Variants in AGO2 observed in about 807,000 individuals in gnomAD.
AGO2 encodes argonaute RISC catalytic component 2.
In AGO2, 5 loss-of-function variants were observed where a neutral mutation model predicts 102.3. That is an observed-to-expected ratio of 0.05 (90% CI 0.03 to 0.10). AGO2 has a LOEUF of 0.10. Ranked by LOEUF, AGO2 falls within the 10% of genes least tolerant of loss-of-function variation. The pLI is 1.00. For missense variants in AGO2, 541 were observed against 1,183.7 expected (o/e 0.46, Z 7.97); for synonymous variants, 449 against 473.1 (o/e 0.95, Z 0.66).
chr8:140,520,941 A>G lies in AGO2; in HGVS notation c.*11103T>C, dbSNP rs1186120345. The G allele has an allele frequency of 1.3e-5, 2 of 152,150 alleles. No homozygotes were observed. Among genetic ancestry groups the G allele is most frequent in the East Asian group, 3.9e-4 (2 of 5,188 alleles). 9.4% of individuals were successfully genotyped at this position (152,150 alleles called of 1,614,324 possible). ...TTTTTTTAAATTTTTTTAAATTTTT[A>G]TTTTTTAAGGATACTATATCCCTAC... On this transcript the variant is annotated 3_prime_UTR_variant, in exon 19 of 19. Transcript: ENST00000220592.
At chr8:140,564,456 C>T (rs868322737) in intron 3 of AGO2, among the ~76,000 whole-genome samples, 22 of 152,156 alleles carry the variant, frequency 1.4e-4, no homozygotes, top group Middle Eastern at 3.2e-3. Context: ...ACTACGCAAG[C>T]GGAGTTATAT....
chr8:140,551,523 CCCTGACCAA>C, intron 10 of AGO2, 87 bp from the exon 11 acceptor site: 1 of 1,340,984 alleles, frequency 7.5e-7, no homozygotes, highest in East Asian at 2.7e-5. Flanking sequence ...CTGTTGGTCC[CCCTGACCAA>C]CAACTGCTTC....
At chr8:140,635,188 G>A (rs1004378512) in intron 1 of AGO2, among the ~76,000 whole-genome samples, 14 of 146,314 alleles carry the variant, frequency 9.6e-5, no homozygotes, top group African/African-American at 3.2e-4. Flanking sequence ...GAGGACGCTG[G>A]GACGCGGGCC....
chr8:140,539,202 G>T lies in AGO2; in HGVS notation c.2169+118C>A. 7.1e-7 allele frequency: 1 copy of T among 1,410,184 alleles called. No individual in the cohort carries two copies. The highest frequency in any genetic ancestry group is 9.5e-7 in the Non-Finnish European group (1 of 1,055,146). The allele number at this position is 1,410,184 out of a possible 1,614,324, so 87.4% of individuals were successfully genotyped here. ...CCCATGAAGCCCCTTAGAGGACAGA[G>T]TCACCCTAGAGCCTGGGACAGCGGC... is the stretch of plus-strand genomic sequence containing the variant. On this transcript the variant is annotated intron_variant, in intron 16 of 18. Coordinates refer to ENST00000220592, the MANE Select transcript of AGO2 (RefSeq NM_012154.5). The surrounding 1 kb of genome is among the most constrained non-coding windows in gnomAD (Gnocchi z 4.7).
intron 1 of AGO2, among the ~76,000 whole-genome samples, chr8:140,627,194 C>G (rs2074289859): frequency 6.6e-6 from 1 of 152,216 alleles, no homozygotes; most frequent in South Asian, 2.1e-4. Context: ...ACGGGAGGAT[C>G]CTTTCACTAT....
In AGO2 at chr8:140,597,167, G is replaced by A. The variant is rs138965806; in HGVS notation, c.23-11856C>T. Among the ~76,000 whole-genome samples the A allele has an allele frequency of 1.2e-3, 183 of 152,328 alleles. 2 individuals carry two copies. Among genetic ancestry groups the A allele is most frequent in the Admixed American group, 4.7e-3 (72 of 15,304 alleles). Reference sequence around the variant, plus strand: ...ATTTATAACCACGCCCCTGCACTGTGTCCCAGCTCTGGCAGGGACGTTCCC... The same window carrying A: ...ATTTATAACCACGCCCCTGCACTGTATCCCAGCTCTGGCAGGGACGTTCCC... On this transcript the variant is annotated intron_variant, in intron 1 of 18. Transcript: ENST00000220592.
At position 140,544,248 on chromosome 8, in the gene AGO2, G is replaced by C; in HGVS notation, c.1804C>G (p.Pro602Ala). ...GAGGGCTTCTTCCCATCCCCGGCGG[G>C]GGGGTGAGTGACGTCTGCTCCCAGA... ...IFLGADVTHP[P>A]AGDGKKPSIA... The change falls in exon 14 of 19, where the codon CCC (proline) becomes GCC (alanine). Residue 602 changes from proline (P) to alanine (A), a missense_variant. Physicochemically the swap from Pro to Ala is conservative, Grantham distance 27 (BLOSUM62 -1). Around this residue, in one of 6 missense-constraint regions of AGO2, gnomAD observed 309 missense variants for 735.1 expected, o/e 0.42. Transcript: ENST00000220592. The C allele has an allele frequency of 1.3e-6, 2 of 1,597,652 alleles. No homozygotes were observed. The highest frequency in any genetic ancestry group is 1.7e-6 in the Non-Finnish European group (2 of 1,173,774).
At position 140,522,254 on chromosome 8, in the gene AGO2, G is replaced by T. The variant is rs547694739; in HGVS notation, c.*9790C>A. 26 of 152,254 alleles carry T rather than the reference G, an allele frequency of 1.7e-4. No individual in the cohort carries two copies. The highest frequency in any genetic ancestry group is 6.3e-4 in the African/African-American group (26 of 41,542). The allele number at this position is 152,254 out of a possible 1,614,324, so 9.4% of individuals were successfully genotyped here. On this transcript the variant is annotated 3_prime_UTR_variant, in exon 19 of 19. Coordinates refer to ENST00000220592, the MANE Select transcript of AGO2 (RefSeq NM_012154.5). ...GTTTCATGTGGAGTTGTATCTCACT[G>T]TTTGGTTACTTTTTCCAATTTAATT... is the stretch of plus-strand genomic sequence containing the variant.
intron 5 of AGO2, 75 bp from the exon 6 acceptor site, chr8:140,559,604 C>A (rs2073162639): frequency 1.9e-6 from 3 of 1,573,574 alleles, no homozygotes; most frequent in Non-Finnish European, 2.6e-6. Context: ...CCTGGAGGGG[C>A]CTCATAGGCC....
At chr8:140,553,412 T>TG (rs1491309687) in intron 10 of AGO2, among the ~76,000 whole-genome samples, 466 of 36,454 alleles carry the variant, frequency 0.013, 8 homozygotes, top group African/African-American at 0.091. Context: ...TTGTTTTTTG[T>TG]TTTTTTTTTT....
At chr8:140,600,373 C>A (rs1204724714) in intron 1 of AGO2, among the ~76,000 whole-genome samples, 1 of 152,194 alleles carries the variant, frequency 6.6e-6, no homozygotes, top group African/African-American at 2.4e-5. Flanking sequence ...GAGTCAGCGT[C>A]ATGGGGTCTA....
intron 14 of AGO2, among the ~76,000 whole-genome samples, chr8:140,542,878 C>T (rs2072826335): frequency 6.6e-6 from 1 of 152,182 alleles, no homozygotes; most frequent in Non-Finnish European, 1.5e-5. Context: ...GTGGCTCACG[C>T]CTGTCATCCC....
At chr8:140,535,891 T>C (rs948333675) in intron 16 of AGO2, among the ~76,000 whole-genome samples, 3 of 152,176 alleles carry the variant, frequency 2.0e-5, no homozygotes, top group African/African-American at 7.2e-5. Flanking sequence ...CTATTTTGAT[T>C]TGAGGTCAAG....
At chr8:140,579,783 G>A (rs908483858) in intron 2 of AGO2, among the ~76,000 whole-genome samples, 5 of 152,078 alleles carry the variant, frequency 3.3e-5, no homozygotes, top group East Asian at 1.9e-4. Flanking sequence ...TGCAATACCC[G>A]CACCAGACTG....
At chr8:140,532,970 C>T (rs2072624759) in intron 17 of AGO2, among the ~76,000 whole-genome samples, 1 of 150,274 alleles carries the variant, frequency 6.7e-6, no homozygotes, top group Non-Finnish European at 1.5e-5. Flanking sequence ...TGCACTCCAG[C>T]CTGGGCAACA....
At chr8:140,597,204 A>C (rs537534293) in intron 1 of AGO2, among the ~76,000 whole-genome samples, 48 of 152,170 alleles carry the variant, frequency 3.2e-4, no homozygotes, top group African/African-American at 1.1e-3. Context: ...CCCTCTTCAC[A>C]CTTGCTGGGC....
chr8:140,562,834 T>C (rs2073225094), intron 3 of AGO2, among the ~76,000 whole-genome samples, 200 bp from the exon 4 acceptor site: 1 of 152,160 alleles, frequency 6.6e-6, no homozygotes, highest in Non-Finnish European at 1.5e-5. Flanking sequence ...TCACTTACTT[T>C]TGATGAATTT....
chr8:140,595,614 TAA>T (rs2073814542), intron 1 of AGO2, among the ~76,000 whole-genome samples: 1 of 44,418 alleles, frequency 2.3e-5, no homozygotes. Context: ...GCTATATATA[TAA>T]TATATATATA....
intron 1 of AGO2, among the ~76,000 whole-genome samples, chr8:140,602,893 C>T (rs575699756): frequency 3.3e-5 from 5 of 152,316 alleles, no homozygotes; most frequent in Admixed American, 1.3e-4. Context: ...TGAAGAGAGA[C>T]GAGCTCACAG....
Sources: gnomAD v4.1 joint callset for allele counts (sites outside exome capture counted in the v4.1 genomes callset) on GRCh38, gnomAD v4.1.1 for gene constraint, gnomAD v4.1.1 regional missense constraint, Gnocchi (gnomAD v3.1) non-coding constraint, MANE v1.5 for transcripts, NCBI Gene and HGNC (gene_info 2026-07-23, HGNC 2026-07-21) for gene names.